The following CYP4X1 variants were observed in gnomAD, a reference collection of about 807,000 sequenced individuals.
CYP4X1 encodes cytochrome P450 4X1.
A neutral mutation model predicts 57.9 loss-of-function variants in CYP4X1; 44 were observed. The observed-to-expected ratio is 0.76, with a 90% confidence interval of 0.60 to 0.98. The LOEUF (loss-of-function observed/expected upper bound fraction) is 0.98, where lower values mean the gene tolerates loss of function less well. Ranked by LOEUF, CYP4X1 falls within the 50% of genes least tolerant of loss-of-function variation. CYP4X1 has a pLI of 0.00. For synonymous variants in CYP4X1, 227 were observed against 228.6 expected (o/e 0.99, Z 0.06); for missense variants, 532 against 623.9 (o/e 0.85, Z 1.57).
the CYP4X1 span, among the ~76,000 whole-genome samples, chr1:46,996,997 G>A: frequency 2.6e-5 from 4 of 152,230 alleles, no homozygotes; most frequent in Admixed American, 6.5e-5. Flanking sequence ...GTTGATCCCC[G>A]TGGTGGCACT....
At chr1:46,986,804 A>C in the CYP4X1 span, among the ~76,000 whole-genome samples, 1 of 152,186 alleles carries the variant, frequency 6.6e-6, no homozygotes, top group Non-Finnish European at 1.5e-5. Flanking sequence ...AGGAGAAATA[A>C]AATTATTTAC....
At chr1:46,997,668 A>T in the CYP4X1 span, among the ~76,000 whole-genome samples, 1 of 152,218 alleles carries the variant, frequency 6.6e-6, no homozygotes, top group Non-Finnish European at 1.5e-5. Flanking sequence ...TGCCGTAAAC[A>T]TACATGTGTC....
chr1:46,969,758 T>TA, the CYP4X1 span, among the ~76,000 whole-genome samples: 531 of 152,314 alleles, frequency 3.5e-3, 9 homozygotes, highest in African/African-American at 0.012. Context: ...TAGCATATCC[T>TA]AAAAAGGCCT....
chr1:47,055,075 C>T (rs929125796), downstream of CYP4X1, among the ~76,000 whole-genome samples: 2 of 152,068 alleles, frequency 1.3e-5, no homozygotes, highest in African/African-American at 2.4e-5. Context: ...ATAGCTCTTA[C>T]TATTTTGAGA....
chr1:46,980,957 C>T, the CYP4X1 span, among the ~76,000 whole-genome samples: 400 of 152,240 alleles, frequency 2.6e-3, no homozygotes, highest in African/African-American at 8.8e-3. Context: ...GGATCCCTTC[C>T]TTGCACCTTA....
the CYP4X1 span, among the ~76,000 whole-genome samples, chr1:46,962,645 T>C: frequency 3.3e-5 from 5 of 152,212 alleles, no homozygotes; most frequent in African/African-American, 4.8e-5. Flanking sequence ...TTCTTCTACA[T>C]TTGCTGAGGA....
At chr1:47,038,852 A>G (rs764332839) in intron 7 of CYP4X1, 86 bp downstream of exon 7, 14 of 998,472 alleles carry the variant, frequency 1.4e-5, no homozygotes, top group African/African-American at 5.0e-5. Flanking sequence ...TGGGGAGACA[A>G]GAATAAAACC....
chr1:47,002,471 T>C, the CYP4X1 span, among the ~76,000 whole-genome samples: 1 of 152,232 alleles, frequency 6.6e-6, no homozygotes, highest in African/African-American at 2.4e-5. Flanking sequence ...AACCAATGCC[T>C]AAAAATTACT....
At chr1:46,966,056 C>T in the CYP4X1 span, among the ~76,000 whole-genome samples, 8 of 152,208 alleles carry the variant, frequency 5.3e-5, no homozygotes, top group South Asian at 2.1e-4. Flanking sequence ...TCTCCAAAGC[C>T]GGCAGACTGG....
At chr1:47,039,236 C>G (rs1644218521) in intron 7 of CYP4X1, 106 bp from the exon 8 acceptor site, 1 of 994,640 alleles carries the variant, frequency 1.0e-6, no homozygotes, top group African/African-American at 1.7e-5. Flanking sequence ...AAATTTAAAC[C>G]CCTATTTAAA....
At chr1:47,002,544 A>G in the CYP4X1 span, among the ~76,000 whole-genome samples, 1 of 152,232 alleles carries the variant, frequency 6.6e-6, no homozygotes, top group African/African-American at 2.4e-5. Flanking sequence ...TAGGGAATTT[A>G]CAGAATTACT....
chr1:46,979,118 C>G, the CYP4X1 span, among the ~76,000 whole-genome samples: 6 of 152,090 alleles, frequency 3.9e-5, no homozygotes, highest in African/African-American at 1.4e-4. Flanking sequence ...CAAGAAATAA[C>G]TAAGATCAGA....
chr1:47,032,186 T>C (rs1644132380), intron 3 of CYP4X1, among the ~76,000 whole-genome samples: 1 of 152,202 alleles, frequency 6.6e-6, no homozygotes, highest in Non-Finnish European at 1.5e-5. Flanking sequence ...CAGTAAAATT[T>C]TGCTCTAGAG....
the CYP4X1 span, chr1:46,994,591 A>G: frequency 6.5e-6 from 1 of 153,172 alleles, no homozygotes; most frequent in African/African-American, 2.4e-5. Context: ...GTCCTGTGAG[A>G]TCCCCTGTCT....
At chr1:46,994,330 G>A in the CYP4X1 span, 1 of 152,232 alleles carries the variant, frequency 6.6e-6, no homozygotes, top group South Asian at 2.1e-4. Context: ...TTTGATTACT[G>A]TAGCCTTGTA....
chr1:46,964,349 T>G, the CYP4X1 span, among the ~76,000 whole-genome samples: 2 of 152,194 alleles, frequency 1.3e-5, no homozygotes, highest in African/African-American at 4.8e-5. Context: ...TTCTGCTCTG[T>G]TTTATCCCCT....
the CYP4X1 span, among the ~76,000 whole-genome samples, chr1:46,994,823 G>C: frequency 1.3e-5 from 2 of 152,186 alleles, no homozygotes; most frequent in African/African-American, 4.8e-5. Context: ...GGGCACAGCT[G>C]TATAGAAACA....
At chr1:46,985,149 C>T in the CYP4X1 span, among the ~76,000 whole-genome samples, 2 of 152,122 alleles carry the variant, frequency 1.3e-5, no homozygotes, top group Non-Finnish European at 1.5e-5. Context: ...AGCCAGACTG[C>T]CTCTCTAGAT....
chr1:47,046,335 A>T, intron 8 of CYP4X1, 132 bp from the exon 9 acceptor site: 1 of 1,238,406 alleles, frequency 8.1e-7, no homozygotes, highest in Non-Finnish European at 1.1e-6. Flanking sequence ...GTCCCATTTT[A>T]ACATTCTGTT....
Sources: gnomAD v4.1 joint callset for allele counts (sites outside exome capture counted in the v4.1 genomes callset) on GRCh38, gnomAD v4.1.1 for gene constraint, MANE v1.5 for transcripts, NCBI Gene and HGNC (gene_info 2026-07-23, HGNC 2026-07-21) for gene names.